PDE1A: variants seen among roughly 807,000 people sequenced by gnomAD.
PDE1A encodes phosphodiesterase 1A.
In PDE1A, 35 loss-of-function variants were observed where a neutral mutation model predicts 61.7. The observed-to-expected ratio is 0.57, with a 90% CI of 0.43 to 0.75. The LOEUF (loss-of-function observed/expected upper bound fraction) is 0.75. Among genes scored for constraint, PDE1A ranks in the 30% least tolerant of loss-of-function variants. The pLI, the probability that PDE1A is intolerant of heterozygous loss-of-function variation, is 0.00. For synonymous variants in PDE1A, 232 were observed against 213.2 expected (o/e 1.09, Z -0.77); for missense variants, 597 against 630.6 (o/e 0.95, Z 0.57).
chr2:182,411,995 T>C (rs10185590), intron 1 of PDE1A, among the ~76,000 whole-genome samples: 91,500 of 150,656 alleles, frequency 0.61, 28,425 homozygotes, highest in East Asian at 0.92. Flanking sequence ...GAGGCAGAGA[T>C]TGCAGTGAGC....
intron 1 of PDE1A, among the ~76,000 whole-genome samples, chr2:182,266,694 G>A (rs1465780214): frequency 6.6e-6 from 1 of 152,142 alleles, no homozygotes; most frequent in Non-Finnish European, 1.5e-5. Flanking sequence ...GGAGGTTGTT[G>A]GTGAAACTTT....
chr2:182,555,965 CAAAAAAAAAA>C, the PDE1A span, among the ~76,000 whole-genome samples: 24 of 48,436 alleles, frequency 5.0e-4, no homozygotes, highest in African/African-American at 8.3e-4. Context: ...AACTCCATCT[CAAAAAAAAAA>C]AAAAAAAAAA....
the PDE1A span, among the ~76,000 whole-genome samples, chr2:182,609,711 T>A: frequency 7.9e-5 from 12 of 152,254 alleles, no homozygotes; most frequent in Non-Finnish European, 8.8e-5. Flanking sequence ...GCGGCTTCAT[T>A]CTTGAAGTCA....
intron 10 of PDE1A, among the ~76,000 whole-genome samples, chr2:182,195,378 A>G (rs997077321): frequency 2.0e-5 from 3 of 152,088 alleles, no homozygotes; most frequent in Admixed American, 6.6e-5. Context: ...AAGAAGGTGT[A>G]TAGAGACAGG....
chr2:182,677,651 T>C, the PDE1A span, among the ~76,000 whole-genome samples: 1 of 152,174 alleles, frequency 6.6e-6, no homozygotes, highest in Non-Finnish European at 1.5e-5. Context: ...ACAGACAGCA[T>C]GGTACTGGTA....
chr2:182,521,686 G>A, intron 2 of PDE1A, among the ~76,000 whole-genome samples: 1 of 151,996 alleles, frequency 6.6e-6, no homozygotes, highest in East Asian at 1.9e-4. Flanking sequence ...ATGTACTATG[G>A]ACTATTCTGT....
intron 2 of PDE1A, among the ~76,000 whole-genome samples, chr2:182,469,981 C>A (rs1686923279): frequency 6.6e-6 from 1 of 151,652 alleles, no homozygotes; most frequent in Admixed American, 6.6e-5. Flanking sequence ...GCAATAGTAA[C>A]AACAAAGATC....
At chr2:182,192,124 T>C (rs1685751783) in intron 10 of PDE1A, among the ~76,000 whole-genome samples, 1 of 152,138 alleles carries the variant, frequency 6.6e-6, no homozygotes, top group Non-Finnish European at 1.5e-5. Context: ...CCCAGAGTGC[T>C]AGGATTACTG....
At chr2:182,396,415 G>A (rs1354672159) in intron 1 of PDE1A, among the ~76,000 whole-genome samples, 1 of 152,188 alleles carries the variant, frequency 6.6e-6, no homozygotes, top group Non-Finnish European at 1.5e-5. Flanking sequence ...GGGTGGCCAG[G>A]GACTTGGAAG....
chr2:182,252,038 G>A lies in PDE1A; in HGVS notation c.168-11746C>T, dbSNP rs992759405. On this transcript the variant is annotated intron_variant, in intron 2 of 13. Transcript: ENST00000351439. ...GGGATGATGACAACTGGGAGGTAAC[G>A]GTAGCCAAACAGAATAGCAAAATAA... 4.6e-5 allele frequency among the ~76,000 whole-genome samples: 7 copies of A among 152,068 alleles called. No homozygotes were observed. In the East Asian group the frequency reaches 1.4e-3, roughly 29 times the overall value.
At chr2:182,605,902 CACACA>C in the PDE1A span, among the ~76,000 whole-genome samples, 1 of 152,186 alleles carries the variant, frequency 6.6e-6, no homozygotes, top group Non-Finnish European at 1.5e-5. Context: ...CCTGCACATA[CACACA>C]CCAAAACATC....
At chr2:182,552,769 C>T in the PDE1A span, among the ~76,000 whole-genome samples, 8 of 152,332 alleles carry the variant, frequency 5.3e-5, no homozygotes, top group Admixed American at 1.3e-4. Flanking sequence ...TTCGAGCCAG[C>T]AATGGCTACC....
chr2:182,455,380 C>A (rs1215506515), intron 2 of PDE1A, among the ~76,000 whole-genome samples: 3 of 152,002 alleles, frequency 2.0e-5, no homozygotes, highest in Non-Finnish European at 4.4e-5. Context: ...CTAGAAATAC[C>A]ATTTGACCCA....
At chr2:182,684,710 C>A in the PDE1A span, among the ~76,000 whole-genome samples, 1 of 152,156 alleles carries the variant, frequency 6.6e-6, no homozygotes, top group Non-Finnish European at 1.5e-5. Context: ...GCCACCACAC[C>A]CAGCTATTTT....
At chr2:182,501,745 C>G (rs1689094385) in intron 2 of PDE1A, among the ~76,000 whole-genome samples, 1 of 152,128 alleles carries the variant, frequency 6.6e-6, no homozygotes, top group Non-Finnish European at 1.5e-5. Context: ...CACCCACTTT[C>G]TCCCTGTCCA....
the PDE1A span, among the ~76,000 whole-genome samples, chr2:182,592,550 G>A: frequency 6.6e-6 from 1 of 152,140 alleles, no homozygotes. Flanking sequence ...ATTTTGAACT[G>A]AGTAAAAGTA....
At chr2:182,641,028 A>AAAAAAAAAAAAG in the PDE1A span, among the ~76,000 whole-genome samples, 30 of 149,724 alleles carry the variant, frequency 2.0e-4, 1 homozygote, top group South Asian at 1.3e-3. Flanking sequence ...TCAAAAAAAA[A>AAAAAAAAAAAAG]AAGAAGAAGA....
chr2:182,237,866 G>T (rs1345848768), intron 3 of PDE1A, among the ~76,000 whole-genome samples: 1 of 152,170 alleles, frequency 6.6e-6, no homozygotes. Context: ...GGCTGGTATA[G>T]GTGTTCAGTC....
At chr2:182,610,086 T>C in the PDE1A span, among the ~76,000 whole-genome samples, 1 of 100,814 alleles carries the variant, frequency 9.9e-6, no homozygotes, top group Non-Finnish European at 2.2e-5. Flanking sequence ...AGACTCTATC[T>C]CAAAAAAAAA....
Sources: gnomAD v4.1 joint callset for allele counts (sites outside exome capture counted in the v4.1 genomes callset) on GRCh38, gnomAD v4.1.1 for gene constraint, MANE v1.5 for transcripts, NCBI Gene and HGNC (gene_info 2026-07-23, HGNC 2026-07-21) for gene names.